Variants in COBLL1 observed in about 807,000 individuals in gnomAD.
COBLL1 encodes the protein cordon-bleu WH2 repeat protein like 1.
A neutral mutation model predicts 94.8 loss-of-function variants in COBLL1; 50 were observed. The ratio of observed to expected loss-of-function variants is 0.53; its 90% CI spans 0.42 to 0.67. The LOEUF (loss-of-function observed/expected upper bound fraction) is 0.67, where lower values mean the gene tolerates loss of function less well. Ranked by LOEUF, COBLL1 falls within the 30% of genes least tolerant of loss-of-function variation. The pLI, the probability that COBLL1 is intolerant of heterozygous loss-of-function variation, is 0.00. For synonymous variants in COBLL1, 448 were observed against 473.8 expected, an observed-to-expected ratio of 0.95 and a Z score of 0.71; for missense variants, 1,362 against 1,348.7, an observed-to-expected ratio of 1.01 and a Z score of -0.15.
intron 2 of COBLL1, among the ~76,000 whole-genome samples, chr2:164,822,664 T>G (rs1685221115): frequency 6.6e-6 from 1 of 151,124 alleles, no homozygotes; most frequent in African/African-American, 2.4e-5. Flanking sequence ...AATTTCAATA[T>G]GGGTAGAGAG....
At chr2:164,661,085 T>G (rs1006775939) in intron 2 of COBLL1, among the ~76,000 whole-genome samples, 5 of 152,158 alleles carry the variant, frequency 3.3e-5, no homozygotes, top group Non-Finnish European at 7.4e-5. Flanking sequence ...TCTTAAATAT[T>G]CTTTATAATA....
intron 9 of COBLL1, among the ~76,000 whole-genome samples, 185 bp downstream of exon 9, chr2:164,704,259 T>C (rs1684465298): frequency 6.6e-6 from 1 of 152,202 alleles, no homozygotes; most frequent in Non-Finnish European, 1.5e-5. Context: ...GCCAGCTTCA[T>C]ACTCTAATTG....
At chr2:164,839,513 A>G (rs1683483127) in intron 2 of COBLL1, among the ~76,000 whole-genome samples, 1 of 152,210 alleles carries the variant, frequency 6.6e-6, no homozygotes, top group Admixed American at 6.5e-5. Context: ...TGTTTCTTCA[A>G]CACAGAGCCA....
At chr2:164,782,336 GTTAA>G (rs1391531263) in intron 2 of COBLL1, among the ~76,000 whole-genome samples, 2 of 152,028 alleles carry the variant, frequency 1.3e-5, no homozygotes, top group Admixed American at 6.6e-5. Flanking sequence ...TAAATTAACT[GTTAA>G]TTATGTTTTT....
rs778981609 is a variant in COBLL1 at position 164,685,178 on chromosome 2, C to T, written c.*768G>A. 2.0e-5 allele frequency: 3 copies of T among 152,066 alleles called. No homozygotes were observed. The highest frequency in any genetic ancestry group is 2.9e-5 in the Non-Finnish European group (2 of 68,008). The allele number at this position is 152,066 out of a possible 1,614,324, so 9.4% of individuals were successfully genotyped here. A position where few individuals can be genotyped will look rare whatever the true frequency, so the allele number is the denominator to read the frequency against. Reference sequence around the variant, plus strand: ...TGAAATAACTGTCACAATATATCAGCATTTTCACAGAAAGATGTTTAAGGC... The same window carrying T: ...TGAAATAACTGTCACAATATATCAGTATTTTCACAGAAAGATGTTTAAGGC... On this transcript the variant is annotated 3_prime_UTR_variant, in exon 14 of 14. Transcript: ENST00000652658.
intron 9 of COBLL1, 49 bp downstream of exon 9, chr2:164,704,395 T>A: frequency 8.3e-7 from 1 of 1,208,582 alleles, no homozygotes; most frequent in Non-Finnish European, 1.2e-6. Flanking sequence ...TCAATTATCA[T>A]GGACGTCCTT....
Position 164,730,212 on chromosome 2 carries a change from G to A in COBLL1, c.231-97C>T, listed in dbSNP as rs1685925036. ...TAAACAAGTCTACAAGATAGTTTTT[G>A]GAAAAGCAGCTTAAATATTGAACTA... On this transcript the variant is annotated intron_variant, in intron 3 of 13. Transcript: ENST00000652658. 7.3e-6 allele frequency: 8 copies of A among 1,092,694 alleles called. No homozygotes were observed. In the South Asian group the frequency reaches 1.2e-4, roughly 16 times the overall value. 67.7% of individuals were successfully genotyped at this position (1,092,694 alleles called of 1,614,324 possible).
At chr2:164,797,925 A>C (rs1183381921) in intron 2 of COBLL1, among the ~76,000 whole-genome samples, 2 of 152,238 alleles carry the variant, frequency 1.3e-5, no homozygotes, top group Admixed American at 6.5e-5. Flanking sequence ...ATGTAACACT[A>C]TCTCTACATC....
At chr2:164,765,867 G>A (rs1367603335) in intron 2 of COBLL1, among the ~76,000 whole-genome samples, 1 of 152,122 alleles carries the variant, frequency 6.6e-6, no homozygotes, top group African/African-American at 2.4e-5. Context: ...GAAGATCTCT[G>A]AAGTTCTTTT....
chr2:164,785,261 C>A (rs944280403), intron 2 of COBLL1, among the ~76,000 whole-genome samples: 1 of 152,250 alleles, frequency 6.6e-6, no homozygotes, highest in Admixed American at 6.5e-5. Flanking sequence ...TAGTGGCATT[C>A]GCTTGTAGTT....
chr2:164,742,118 A>C (rs1374836176), intron 3 of COBLL1, among the ~76,000 whole-genome samples: 1 of 152,114 alleles, frequency 6.6e-6, no homozygotes, highest in Non-Finnish European at 1.5e-5. Flanking sequence ...AAAAGTCTAA[A>C]ATAACTATGA....
intron 7 of COBLL1, among the ~76,000 whole-genome samples, chr2:164,707,116 C>T (rs1275483565): frequency 6.6e-6 from 1 of 151,896 alleles, no homozygotes; most frequent in African/African-American, 2.4e-5. Context: ...AACTCGGTGT[C>T]CCTTCATTTT....
chr2:164,720,827 T>A (rs7559737), intron 7 of COBLL1, among the ~76,000 whole-genome samples: 6,613 of 152,168 alleles, frequency 0.043, 480 homozygotes, highest in African/African-American at 0.15. Context: ...GTGAAGATTC[T>A]CCCAACTCTC....
Position 164,743,531 on chromosome 2 carries a change from A to C in COBLL1, c.230+156T>G. On this transcript the variant is annotated intron_variant, in intron 3 of 13. Coordinates refer to ENST00000652658, the MANE Select transcript of COBLL1 (RefSeq NM_001365672.2). Reference sequence around the variant, plus strand: ...ATTAAAACATTGATAGAAAATTTTTAACACCATTTTAGCAGTCTTTTTTTT... The same window carrying C: ...ATTAAAACATTGATAGAAAATTTTTCACACCATTTTAGCAGTCTTTTTTTT... 4.9e-6 allele frequency: 3 copies of C among 614,294 alleles called. No homozygotes were observed. The South Asian group carries it at 6.9e-5, about 14-fold the overall frequency. The allele number at this position is 614,294 out of a possible 1,614,324, so 38.1% of individuals were successfully genotyped here.
intron 11 of COBLL1, among the ~76,000 whole-genome samples, chr2:164,699,038 A>G (rs1684097073): frequency 6.6e-6 from 1 of 151,874 alleles, no homozygotes; most frequent in East Asian, 1.9e-4. Flanking sequence ...CAGATCGCAA[A>G]TAGATACACA....
chr2:164,726,992 A>G, intron 5 of COBLL1: 1 of 434,690 alleles, frequency 2.3e-6, no homozygotes, highest in Non-Finnish European at 4.0e-6. Context: ...CTAGGTTAAA[A>G]TCTCATACAG....
rs979439523 is a variant in COBLL1, at chr2:164,754,706, G to A, written c.42-10831C>T. On this transcript the variant is annotated intron_variant, in intron 2 of 13. Coordinates refer to ENST00000652658, the MANE Select transcript of COBLL1 (RefSeq NM_001365672.2). ...GCATCACCTACATTTAGAGCACATC[G>A]TCTTTGCAATCCAAGAACCTTTCTT... 6.6e-5 allele frequency among the ~76,000 whole-genome samples: 10 copies of A among 152,320 alleles called. No individual in the cohort carries two copies. In the South Asian group the frequency reaches 1.0e-3, roughly 16 times the overall value.
At chr2:164,810,386 C>A (rs907993442) in intron 2 of COBLL1, among the ~76,000 whole-genome samples, 1 of 149,814 alleles carries the variant, frequency 6.7e-6, no homozygotes, top group African/African-American at 2.4e-5. Context: ...TATAAAAATC[C>A]AAAAGTAATT....
Position 164,722,294 on chromosome 2 carries a change from T to C in COBLL1, c.777A>G (p.Ala259=). The change falls in exon 7 of 14, where the codon GCA becomes GCG. Residue 259 remains alanine, a synonymous_variant. Transcript: ENST00000652658. ...GGCGGTGCTTATTTACTAGAGGGGT[T>C]GCAGGGGCACTTGCAGTCTAGTAAA... is the stretch of plus-strand genomic sequence containing the variant. ...KKRDQTASAP[A]TPLVNKHRPT... The C allele has an allele frequency of 6.2e-7, 1 of 1,613,946 alleles. No homozygotes were observed. The highest frequency in any genetic ancestry group is 8.5e-7 in the Non-Finnish European group (1 of 1,179,878).
Sources: allele counts gnomAD v4.1 joint callset (sites outside exome capture counted in the v4.1 genomes callset), GRCh38; gene constraint gnomAD v4.1.1; transcripts MANE v1.5; gene names NCBI Gene and HGNC (gene_info 2026-07-23, HGNC 2026-07-21).